The following CELF5 variants were observed in gnomAD, a reference collection of about 807,000 sequenced individuals.
CELF5 encodes CUG-BP and ETR-3 like factor 5.
A neutral mutation model predicts 54.9 loss-of-function variants in CELF5; 6 were observed. The ratio of observed to expected loss-of-function variants is 0.11; its 90% CI spans 0.06 to 0.22. The LOEUF is 0.22. Ranked by LOEUF, CELF5 falls within the 10% of genes least tolerant of loss-of-function variation. CELF5 has a pLI of 1.00. For missense variants in CELF5, 401 were observed against 678.6 expected, an observed-to-expected ratio of 0.59 and a Z score of 4.54; for synonymous variants, 271 against 290.9, an observed-to-expected ratio of 0.93 and a Z score of 0.70.
chr19:3,296,692 G>C (rs1311407787), intron 12 of CELF5, 66 bp from the exon 13 acceptor site: 4 of 152,206 alleles, frequency 2.6e-5, no homozygotes, highest in Non-Finnish European at 5.9e-5. Flanking sequence ...CCGGTGTGCA[G>C]TTGTACGTGT....
intron 2 of CELF5, among the ~76,000 whole-genome samples, chr19:3,271,159 G>C (rs1029690646): frequency 6.6e-6 from 1 of 151,768 alleles, no homozygotes; most frequent in African/African-American, 2.4e-5. Flanking sequence ...GGTGCTGGGA[G>C]GGGGGAGGAG....
At chr19:3,280,088 G>C (rs1014018767) in intron 5 of CELF5, among the ~76,000 whole-genome samples, 3 of 152,126 alleles carry the variant, frequency 2.0e-5, no homozygotes, top group African/African-American at 7.2e-5. Context: ...CCGCTGCTTC[G>C]ACTGCCCAGG....
At chr19:3,263,033 G>A (rs909088405) in intron 2 of CELF5, among the ~76,000 whole-genome samples, 1 of 151,496 alleles carries the variant, frequency 6.6e-6, no homozygotes, top group African/African-American at 2.4e-5. Context: ...ATCACCTGAG[G>A]TCAGGAGTTC....
In CELF5 at chr19:3,270,830, G is replaced by T. The variant is rs577606209; in HGVS notation, c.343-3042G>T. Among the ~76,000 whole-genome samples the T allele has an allele frequency of 3.2e-3, 489 of 151,826 alleles. 1 individual carries two copies. The highest frequency in any genetic ancestry group is 0.011 in the African/African-American group (468 of 41,440). The stretch of plus-strand genomic sequence containing the variant: ...CCTCTCCCCGAGCTGACCCAGCGGT[G>T]GGGGGAAGGGACCTCCCAGTAGGAG... On this transcript the variant is annotated intron_variant, in intron 2 of 12. Transcript: ENST00000292672.
intron 11 of CELF5, among the ~76,000 whole-genome samples, chr19:3,291,713 T>G (rs1599491650): frequency 7.4e-6 from 1 of 135,736 alleles, no homozygotes; most frequent in Non-Finnish European, 1.6e-5. Flanking sequence ...GGAGGAGCAG[T>G]GAGGAGGCCC....
chr19:3,247,619 A>G (rs768482297), intron 1 of CELF5, among the ~76,000 whole-genome samples: 1 of 151,404 alleles, frequency 6.6e-6, no homozygotes, highest in Admixed American at 6.6e-5. Context: ...GGGTCGAGAC[A>G]TAGAGATGGT....
At chr19:3,257,326 T>C (rs556338957) in intron 2 of CELF5, among the ~76,000 whole-genome samples, 39 of 146,912 alleles carry the variant, frequency 2.7e-4, no homozygotes, top group African/African-American at 9.6e-4. Context: ...AGGGGGAGAG[T>C]AGGTGGAGGA....
chr19:3,284,881 A>T lies in CELF5; in HGVS notation c.1040-21A>T. The T allele has an allele frequency of 2.5e-6, 4 of 1,611,530 alleles. No individual in the cohort carries two copies. The South Asian group carries it at 4.4e-5, about 18-fold the overall frequency. The stretch of plus-strand genomic sequence containing the variant: ...GACTTCTGCTGCTCCCGCCCCACTC[A>T]GCCCCTCTGTCTGCCCGCAGCTCAG... On this transcript the variant is annotated intron_variant, in intron 8 of 12. Coordinates refer to ENST00000292672, the MANE Select transcript of CELF5 (RefSeq NM_021938.4).
chr19:3,236,853 C>T (rs1388803973), intron 1 of CELF5, among the ~76,000 whole-genome samples: 2 of 151,008 alleles, frequency 1.3e-5, no homozygotes, highest in South Asian at 2.1e-4. Flanking sequence ...GGTGTGGTGG[C>T]GGGCCTGCAC....
intron 2 of CELF5, among the ~76,000 whole-genome samples, chr19:3,262,784 C>A (rs755121277): frequency 4.6e-5 from 7 of 151,710 alleles, no homozygotes; most frequent in Non-Finnish European, 8.8e-5. Flanking sequence ...ACTAAAAATA[C>A]AAAAATTAGC....
In CELF5 at chr19:3,279,743, C is replaced by T. The variant is rs1293311025; in HGVS notation, c.604-1456C>T. Among the ~76,000 whole-genome samples, 7 of 152,134 alleles carry T rather than the reference C, an allele frequency of 4.6e-5. No homozygotes were observed. The South Asian group carries it at 1.4e-3, about 31-fold the overall frequency. On this transcript the variant is annotated intron_variant, in intron 5 of 12. Transcript: ENST00000292672. Reference sequence around the variant, plus strand: ...TTTGAGACAGAGTCTCGCTCTGTCGCCCAGGTTGGAGTGCAATGGGGCAAT... The same window carrying T: ...TTTGAGACAGAGTCTCGCTCTGTCGTCCAGGTTGGAGTGCAATGGGGCAAT...
rs3046138 is a variant in CELF5 at position 3,278,679 on chromosome 19, TTGTG to T, written c.603+587_603+590del. On this transcript the variant is annotated intron_variant, in intron 5 of 12. Transcript: ENST00000292672. The surrounding 1 kb of genome is among the most constrained non-coding windows in gnomAD (Gnocchi z 4.5). ...TCTGCAGGTGCATTTGTGGGCAGGTTTGTGTGTGTGTGTGTGTGTGTTTGTGTGT... is the reference window on the plus strand; with the variant it reads ...TCTGCAGGTGCATTTGTGGGCAGGTTTGTGTGTGTGTGTGTGTTTGTGTGT... 4.2e-3 allele frequency among the ~76,000 whole-genome samples: 621 copies of T among 148,982 alleles called. 5 individuals carry two copies. The highest frequency in any genetic ancestry group is 0.014 in the African/African-American group (571 of 40,500).
Position 3,282,568 on chromosome 19 carries a change from A to G in CELF5, c.1039+70A>G. On this transcript the variant is annotated intron_variant, in intron 8 of 12. Coordinates refer to ENST00000292672, the MANE Select transcript of CELF5 (RefSeq NM_021938.4). The surrounding 1 kb of genome is among the most constrained non-coding windows in gnomAD (Gnocchi z 5.2). Reference sequence around the variant, plus strand: ...TAAAGATGGTGTTTCTGGAACAAGTATGAGTCCCTACATCACAGTGCCCAG... The same window carrying G: ...TAAAGATGGTGTTTCTGGAACAAGTGTGAGTCCCTACATCACAGTGCCCAG... 2 of 1,520,902 alleles carry G rather than the reference A, an allele frequency of 1.3e-6. No homozygotes were observed. The highest frequency in any genetic ancestry group is 1.4e-5 in the African/African-American group (1 of 73,106). The allele number at this position is 1,520,902 out of a possible 1,614,324, so 94.2% of individuals were successfully genotyped here.
rs1310412534 is a variant in CELF5, at chr19:3,278,197, C to A, written c.603+87C>A. On this transcript the variant is annotated intron_variant, in intron 5 of 12. Transcript: ENST00000292672. The surrounding 1 kb of genome is among the most constrained non-coding windows in gnomAD (Gnocchi z 4.5). ...ATGAAACAGGCCATATTCCTACCGT[C>A]GCTGTCATCCGGTAGCCCCTGGCTG... The A allele has an allele frequency of 9.5e-6, 9 of 947,422 alleles. No homozygotes were observed. The East Asian group carries it at 2.4e-4, about 25-fold the overall frequency. 58.7% of individuals were successfully genotyped at this position (947,422 alleles called of 1,614,324 possible).
chr19:3,292,299 CTTTG>C (rs1426972326), intron 11 of CELF5, among the ~76,000 whole-genome samples: 1 of 114,104 alleles, frequency 8.8e-6, no homozygotes, highest in Admixed American at 8.6e-5. Context: ...CAGCCCTTGA[CTTTG>C]TTTTTTTTTT....
intron 2 of CELF5, among the ~76,000 whole-genome samples, chr19:3,260,209 C>CG (rs2079788987): frequency 6.6e-6 from 1 of 152,006 alleles, no homozygotes; most frequent in Non-Finnish European, 1.5e-5. Flanking sequence ...CTCCACGTCC[C>CG]GGGTTCAAGC....
chr19:3,280,659 C>T (rs543800727), intron 5 of CELF5, among the ~76,000 whole-genome samples: 34 of 152,256 alleles, frequency 2.2e-4, no homozygotes, highest in Non-Finnish European at 3.1e-4. Context: ...CTACTTGTCC[C>T]GCCTTGTTCC....
chr19:3,225,598 C>T (rs983357135), intron 1 of CELF5: 1 of 983,210 alleles, frequency 1.0e-6, no homozygotes, highest in Non-Finnish European at 1.2e-6. Flanking sequence ...GACACGGATG[C>T]CCAGGACCCC....
chr19:3,250,611 C>A (rs916465476), intron 1 of CELF5, among the ~76,000 whole-genome samples: 1 of 152,192 alleles, frequency 6.6e-6, no homozygotes, highest in South Asian at 2.1e-4. Flanking sequence ...GAAACTCTGT[C>A]CCCATGATAC....
Sources: gnomAD v4.1 joint callset for allele counts (sites outside exome capture counted in the v4.1 genomes callset) on GRCh38, gnomAD v4.1.1 for gene constraint, Gnocchi (gnomAD v3.1) non-coding constraint, MANE v1.5 for transcripts, NCBI Gene and HGNC (gene_info 2026-07-23, HGNC 2026-07-21) for gene names.